LRTM3: variants seen among roughly 807,000 people sequenced by gnomAD.
The protein encoded by LRTM3 is leucine-rich repeat transmembrane protein 3.
the LRTM3 span, among the ~76,000 whole-genome samples, chr13:102,758,241 A>G: frequency 6.6e-6 from 1 of 152,236 alleles, no homozygotes; most frequent in Non-Finnish European, 1.5e-5. Context: ...AAAAGTCCTT[A>G]ACACAGCTTG....
chr13:102,746,444 A>G, the LRTM3 span: 44 of 1,551,018 alleles, frequency 2.8e-5, no homozygotes, highest in South Asian at 5.9e-5. Context: ...TCTGCTATGC[A>G]TTGGAGAGCA....
chr13:102,750,220 A>C, the LRTM3 span: 5 of 1,551,370 alleles, frequency 3.2e-6, no homozygotes, highest in Non-Finnish European at 4.4e-6. Flanking sequence ...AGCTGATTCC[A>C]TTTGAAGATG....
At chr13:102,747,084 C>T in the LRTM3 span, 70 of 1,550,848 alleles carry the variant, frequency 4.5e-5, no homozygotes, top group African/African-American at 3.0e-4. Context: ...GTTTCTTTGA[C>T]GCCTTTTACT....
At chr13:102,736,186 A>G in the LRTM3 span, 1 of 1,547,974 alleles carries the variant, frequency 6.5e-7, no homozygotes, top group Non-Finnish European at 8.7e-7. Context: ...GAGAGAATCT[A>G]TGGTGAGAGA....
At chr13:102,729,865 C>G in the LRTM3 span, 2 of 1,551,834 alleles carry the variant, frequency 1.3e-6, no homozygotes, top group Non-Finnish European at 1.7e-6. Context: ...ATCTGGCCTT[C>G]TTTCTTTCTT....
the LRTM3 span, chr13:102,737,559 C>A: frequency 6.4e-7 from 1 of 1,550,726 alleles, no homozygotes; most frequent in African/African-American, 1.4e-5. Context: ...CCTTCTCCAT[C>A]CCTTTTCCCT....
chr13:102,730,377 C>G, the LRTM3 span: 1 of 1,550,934 alleles, frequency 6.4e-7, no homozygotes, highest in African/African-American at 1.4e-5. Context: ...CTCTCAATAT[C>G]TGTCTGAATA....
At chr13:102,744,379 A>G in the LRTM3 span, 5 of 1,550,182 alleles carry the variant, frequency 3.2e-6, no homozygotes, top group Non-Finnish European at 4.4e-6. Flanking sequence ...AAATAGAACT[A>G]TCCCATTTCC....
the LRTM3 span, among the ~76,000 whole-genome samples, chr13:102,754,469 A>G: frequency 2.0e-5 from 3 of 152,128 alleles, no homozygotes; most frequent in African/African-American, 7.2e-5. Context: ...TAGGCAATCA[A>G]TAAGTATTTG....
chr13:102,758,872 A>G, the LRTM3 span: 10 of 1,550,426 alleles, frequency 6.4e-6, no homozygotes, highest in South Asian at 1.2e-5. Context: ...AATGTCATGA[A>G]TGTATTATCT....
the LRTM3 span, chr13:102,743,366 G>A: frequency 6.4e-7 from 1 of 1,550,514 alleles, no homozygotes; most frequent in East Asian, 2.4e-5. Flanking sequence ...GAAGGAAGTT[G>A]TATTTGGAAA....
chr13:102,745,837 A>T, the LRTM3 span: 1 of 1,551,200 alleles, frequency 6.4e-7, no homozygotes, highest in Non-Finnish European at 8.7e-7. Flanking sequence ...ATGGAAATTG[A>T]TCCAGTGTAG....
At chr13:102,744,033 C>A in the LRTM3 span, 1 of 1,550,392 alleles carries the variant, frequency 6.4e-7, no homozygotes, top group Non-Finnish European at 8.7e-7. Flanking sequence ...AAGAGTTTAT[C>A]AATCATTGAT....
At chr13:102,743,062 T>C in the LRTM3 span, 70 of 1,550,326 alleles carry the variant, frequency 4.5e-5, 1 homozygote, top group Admixed American at 1.1e-3. Context: ...CATCCTCTGA[T>C]TTACCAAGAT....
At chr13:102,747,266 G>T in the LRTM3 span, 11 of 1,549,246 alleles carry the variant, frequency 7.1e-6, no homozygotes, top group Non-Finnish European at 8.7e-6. Flanking sequence ...AATAGACATG[G>T]GAGGGTAAAT....
the LRTM3 span, chr13:102,748,475 T>A: frequency 4.6e-5 from 71 of 1,551,128 alleles, no homozygotes; most frequent in Non-Finnish European, 5.6e-5. Context: ...CCTTTGCGTT[T>A]TTGGTGTACT....
the LRTM3 span, among the ~76,000 whole-genome samples, chr13:102,757,542 C>CTCTGAAAT: frequency 6.6e-6 from 1 of 152,230 alleles, no homozygotes; most frequent in Non-Finnish European, 1.5e-5. Context: ...TCAACCTCAA[C>CTCTGAAAT]ATTCCAGCAA....
At chr13:102,742,239 C>T in the LRTM3 span, 1 of 1,550,314 alleles carries the variant, frequency 6.5e-7, no homozygotes, top group East Asian at 2.4e-5. Context: ...CTTGCAGTAC[C>T]ATACTCAAGC....
At chr13:102,732,929 G>A in the LRTM3 span, 2 of 1,551,486 alleles carry the variant, frequency 1.3e-6, no homozygotes, top group African/African-American at 1.4e-5. Flanking sequence ...AGTCCAGGGA[G>A]GGAATAGGGA....
Sources: allele counts gnomAD v4.1 joint callset (sites outside exome capture counted in the v4.1 genomes callset), GRCh38; gene constraint gnomAD v4.1.1; transcripts MANE v1.5; gene names NCBI Gene and HGNC (gene_info 2026-07-23, HGNC 2026-07-21).